PXDN: variants seen among roughly 807,000 people sequenced by gnomAD.
PXDN encodes the protein peroxidasin homolog.
In PXDN, 77 loss-of-function variants were observed where a neutral mutation model predicts 140.3. That is an observed-to-expected ratio of 0.55 (90% CI 0.46 to 0.66). PXDN has a LOEUF of 0.66. Among genes scored for constraint, PXDN ranks in the 30% least tolerant of loss-of-function variants. The pLI is 0.00. For missense variants in PXDN, 1,838 were observed against 2,039.5 expected (o/e 0.90, Z 1.90); for synonymous variants, 911 against 857.4 (o/e 1.06, Z -1.09).
At chr2:1,645,422 T>G (rs890080055) in intron 17 of PXDN, among the ~76,000 whole-genome samples, 1 of 152,232 alleles carries the variant, frequency 6.6e-6, no homozygotes, top group East Asian at 1.9e-4. Flanking sequence ...CTGTTTCAAC[T>G]GCTATTCAAA....
At chr2:1,673,842 G>A in intron 8 of PXDN, 30 bp from the exon 9 acceptor site, 4 of 1,612,018 alleles carry the variant, frequency 2.5e-6, no homozygotes, top group East Asian at 2.2e-5. Flanking sequence ...GTCTGGTCAA[G>A]TGTTGAAAGC....
chr2:1,666,188 C>A, intron 10 of PXDN, 26 bp downstream of exon 10: 1 of 1,610,412 alleles, frequency 6.2e-7, no homozygotes, highest in Non-Finnish European at 8.5e-7. Flanking sequence ...TGAGCCCTGG[C>A]TCTGGCACAG....
At chr2:1,743,566 G>A (rs1046014723) in intron 1 of PXDN, among the ~76,000 whole-genome samples, 1 of 150,646 alleles carries the variant, frequency 6.6e-6, no homozygotes, top group African/African-American at 2.4e-5. Context: ...AGGCTTCCCC[G>A]GCGCGGGGGG....
rs763844497 is a variant in PXDN at position 1,635,537 on chromosome 2, G to A, written c.4207-16C>T. ...GTTTCTTTATCTGCAGCAATGCAAA[G>A]AACATTCATTCATTGGGCACTTCAG... On this transcript the variant is annotated splice_polypyrimidine_tract_variant and intron_variant, in intron 21 of 22. Coordinates refer to ENST00000252804, the MANE Select transcript of PXDN (RefSeq NM_012293.3). 7 of 1,550,468 alleles carry A rather than the reference G, an allele frequency of 4.5e-6. No individual in the cohort carries two copies. The South Asian group carries it at 7.1e-5, about 16-fold the overall frequency.
At position 1,649,748 on chromosome 2, in the gene PXDN, C is replaced by T. The variant is rs1682971277; in HGVS notation, c.2105-73G>A. 2.6e-6 allele frequency: 4 copies of T among 1,523,450 alleles called. No individual in the cohort carries two copies. Among genetic ancestry groups the T allele is most frequent in the Non-Finnish European group, 3.6e-6 (4 of 1,103,172 alleles). 94.4% of individuals were successfully genotyped at this position (1,523,450 alleles called of 1,614,324 possible). Reference sequence around the variant, plus strand: ...TGTGAGGGCCCGGTACCCCTTGGCACCTCTGCCGCTGACATGGGGCTATCT... The same window carrying T: ...TGTGAGGGCCCGGTACCCCTTGGCATCTCTGCCGCTGACATGGGGCTATCT... On this transcript the variant is annotated intron_variant, in intron 16 of 22. Coordinates refer to ENST00000252804, the MANE Select transcript of PXDN (RefSeq NM_012293.3). This position sits in a 1 kb window ranked among gnomAD's most constrained non-coding sequence, Gnocchi z 7.1.
chr2:1,667,003 A>T lies in PXDN; in HGVS notation c.1019-517T>A, dbSNP rs553317167. Among the ~76,000 whole-genome samples, 12 of 152,302 alleles carry T rather than the reference A, an allele frequency of 7.9e-5. No individual in the cohort carries two copies. The South Asian group carries it at 2.5e-3, about 32-fold the overall frequency. Reference sequence around the variant, plus strand: ...GTGTTTCATGTGTGAGTTTGTGTGGAAACAGAACTCTCCCATGCTGGCAGT... The same window carrying T: ...GTGTTTCATGTGTGAGTTTGTGTGGTAACAGAACTCTCCCATGCTGGCAGT... On this transcript the variant is annotated intron_variant, in intron 9 of 22. Transcript: ENST00000252804.
At chr2:1,690,395 G>C (rs1684159066) in intron 3 of PXDN, among the ~76,000 whole-genome samples, 1 of 152,124 alleles carries the variant, frequency 6.6e-6, no homozygotes, top group Non-Finnish European at 1.5e-5. Context: ...GGTCGGAAGA[G>C]GGTTATTGAA....
At chr2:1,744,530 G>T (rs1191106180), upstream of PXDN, 2 of 1,249,140 alleles carry the variant, frequency 1.6e-6, no homozygotes, top group Non-Finnish European at 2.0e-6. Context: ...GCCCGGCCGC[G>T]GCCCACGTCC....
Position 1,731,773 on chromosome 2 carries a change from CGG to C in PXDN, c.200+12481_200+12482del, listed in dbSNP as rs1685319764. ...AGCTGCCCAGCCAAGAACATTTGCA[CGG>C]GGTTTTGTGTGAGTGGGGCAGGAAC... On this transcript the variant is annotated intron_variant, in intron 1 of 22. Transcript: ENST00000252804. 2.0e-5 allele frequency among the ~76,000 whole-genome samples: 3 copies of C among 151,968 alleles called. No individual in the cohort carries two copies. The South Asian group carries it at 6.2e-4, about 32-fold the overall frequency.
chr2:1,665,194 G>T (rs78516126), intron 10 of PXDN, 120 bp from the exon 11 acceptor site: 3 of 746,864 alleles, frequency 4.0e-6, no homozygotes, highest in Non-Finnish European at 6.9e-6. Context: ...TGTCTACAAC[G>T]AAGAGTCAGA....
chr2:1,672,770 T>C (rs1233771577), intron 9 of PXDN, among the ~76,000 whole-genome samples: 3 of 152,190 alleles, frequency 2.0e-5, no homozygotes, highest in African/African-American at 7.2e-5. Flanking sequence ...ACCACTTACA[T>C]TGCCAAACAA....
chr2:1,701,871 T>G (rs1268435445), intron 1 of PXDN, among the ~76,000 whole-genome samples: 1 of 152,100 alleles, frequency 6.6e-6, no homozygotes, highest in East Asian at 1.9e-4. Context: ...GTCCACAATG[T>G]GAGAGGACAC....
chr2:1,645,983 C>T (rs1463438004), intron 17 of PXDN: 5 of 152,288 alleles, frequency 3.3e-5, no homozygotes, highest in African/African-American at 2.4e-5. Context: ...CTCGCAGTTC[C>T]GGAATGTCCC....
chr2:1,664,915 G>C, intron 11 of PXDN, 43 bp downstream of exon 11: 2 of 1,472,044 alleles, frequency 1.4e-6, no homozygotes, highest in Middle Eastern at 1.8e-4. Context: ...TCCTGCGTCT[G>C]TGGCCGCGGA....
chr2:1,708,976 A>C (rs1684685674), intron 1 of PXDN, among the ~76,000 whole-genome samples: 1 of 152,096 alleles, frequency 6.6e-6, no homozygotes, highest in Non-Finnish European at 1.5e-5. Context: ...GTGTTGTCTG[A>C]TTTCACAGAC....
intron 1 of PXDN, among the ~76,000 whole-genome samples, chr2:1,743,653 A>G (rs1572210984): frequency 4.3e-5 from 4 of 93,844 alleles, no homozygotes; most frequent in African/African-American, 1.2e-4. Context: ...GAAGGGGGGG[A>G]GGAGGAGGGG....
Position 1,643,461 on chromosome 2 carries a change from C to T in PXDN, c.3859G>A (p.Asp1287Asn), listed in dbSNP as rs1682774996. 1 of 1,613,974 alleles carries T rather than the reference C, an allele frequency of 6.2e-7. No homozygotes were observed. The highest frequency in any genetic ancestry group is 1.3e-5 in the African/African-American group (1 of 75,046). ...NADNITRVQS[D>N]VFRVAEFPHG... ...GGGAACTCCGCCACCCTGAACACGT[C>T]GCTCTGCACCCGGGTGATGTTGTCC... Residue 1287 changes from aspartate (D) to asparagine (N), a missense_variant, in exon 19 of 23, where the codon GAC becomes AAC. This residue lies in a region of PXDN where 850 missense variants were observed against 894.1 expected (regional missense o/e 0.95). Coordinates refer to ENST00000252804, the MANE Select transcript of PXDN (RefSeq NM_012293.3).
intron 1 of PXDN, among the ~76,000 whole-genome samples, chr2:1,699,992 T>G (rs1684385914): frequency 6.6e-6 from 1 of 152,196 alleles, no homozygotes; most frequent in Non-Finnish European, 1.5e-5. Context: ...AGCTATGCAT[T>G]GCAGAGGTGA....
chr2:1,736,935 C>A (rs1685435574), intron 1 of PXDN, among the ~76,000 whole-genome samples: 1 of 152,206 alleles, frequency 6.6e-6, no homozygotes, highest in Non-Finnish European at 1.5e-5. Flanking sequence ...AACTGTAGAA[C>A]AAAAGACAGA....
Sources: gnomAD v4.1 joint callset for allele counts (sites outside exome capture counted in the v4.1 genomes callset) on GRCh38, gnomAD v4.1.1 for gene constraint, gnomAD v4.1.1 regional missense constraint, Gnocchi (gnomAD v3.1) non-coding constraint, MANE v1.5 for transcripts, NCBI Gene and HGNC (gene_info 2026-07-23, HGNC 2026-07-21) for gene names.